TRPM3: variants seen among roughly 807,000 people sequenced by gnomAD.
TRPM3 encodes long transient receptor potential channel 3.
A neutral mutation model predicts 181.2 loss-of-function variants in TRPM3; 77 were observed. The observed-to-expected ratio is 0.42, with a 90% CI of 0.35 to 0.51. TRPM3 has a LOEUF of 0.51. Ranked by LOEUF, TRPM3 falls within the 20% of genes least tolerant of loss-of-function variation. The pLI is 0.01. For synonymous variants in TRPM3, 745 were observed against 796.4 expected (o/e 0.94, Z 1.09); for missense variants, 1,759 against 2,196.7 (o/e 0.80, Z 3.98).
At chr9:71,424,986 T>G (rs1313972466) in intron 1 of TRPM3, among the ~76,000 whole-genome samples, 3 of 152,170 alleles carry the variant, frequency 2.0e-5, no homozygotes, top group Non-Finnish European at 4.4e-5. Context: ...TGAAATGGGC[T>G]ATTTAATATT....
intron 1 of TRPM3, chr9:70,917,562 A>ATTTTTTTTTTTTTTTTTTTTTTTTTT: frequency 1.1e-5 from 7 of 612,850 alleles, no homozygotes; most frequent in Non-Finnish European, 1.8e-5. Flanking sequence ...AACAGTGTTA[A>ATTTTTTTTTTTTTTTTTTTTTTTTTT]GTTGTTATAT....
intron 1 of TRPM3, among the ~76,000 whole-genome samples, chr9:71,120,632 G>T (rs2073418753): frequency 6.6e-6 from 1 of 152,060 alleles, no homozygotes; most frequent in South Asian, 2.1e-4. Flanking sequence ...TAAAAACAAG[G>T]ACACAAAAAA....
intron 4 of TRPM3, among the ~76,000 whole-genome samples, chr9:70,843,460 A>G (rs182065015): frequency 1.1e-3 from 172 of 152,350 alleles, no homozygotes; most frequent in African/African-American, 4.0e-3. Flanking sequence ...ATAATTTGTT[A>G]GTATGATTAG....
chr9:70,936,526 T>G (rs1167732574), intron 1 of TRPM3, among the ~76,000 whole-genome samples: 1 of 152,222 alleles, frequency 6.6e-6, no homozygotes, highest in Non-Finnish European at 1.5e-5. Flanking sequence ...ATCGATTTAT[T>G]AGGAGACCAC....
chr9:71,327,601 G>A (rs2089789598), intron 1 of TRPM3, among the ~76,000 whole-genome samples: 1 of 152,318 alleles, frequency 6.6e-6, no homozygotes, highest in African/African-American at 2.4e-5. Flanking sequence ...AAAGTATACA[G>A]TGAATGAACT....
chr9:70,549,773 G>A, intron 24 of TRPM3, 99 bp from the exon 25 acceptor site: 2 of 1,267,930 alleles, frequency 1.6e-6, no homozygotes, highest in Non-Finnish European at 2.1e-6. Context: ...AATCTAGGTG[G>A]GAAAAGGGGC....
intron 8 of TRPM3, among the ~76,000 whole-genome samples, chr9:70,741,923 G>A (rs1472031265): frequency 6.6e-6 from 1 of 152,018 alleles, no homozygotes; most frequent in African/African-American, 2.4e-5. Flanking sequence ...CACCACTAAA[G>A]AACATATTCA....
At chr9:70,637,505 G>T (rs181779877) in intron 11 of TRPM3, among the ~76,000 whole-genome samples, 3 of 147,130 alleles carry the variant, frequency 2.0e-5, no homozygotes, top group African/African-American at 7.6e-5. Context: ...TTCTCTAATT[G>T]ATAGACCATT....
chr9:70,699,817 G>A (rs1454645669), intron 8 of TRPM3, among the ~76,000 whole-genome samples: 1 of 152,148 alleles, frequency 6.6e-6, no homozygotes, highest in East Asian at 1.9e-4. Context: ...CTGGAATAGG[G>A]GTGGAGTGTG....
chr9:70,605,992 A>G (rs2061018691), intron 19 of TRPM3, among the ~76,000 whole-genome samples: 1 of 152,002 alleles, frequency 6.6e-6, no homozygotes, highest in Middle Eastern at 3.2e-3. Context: ...TTGAACCTAC[A>G]TCTGTCCTCT....
chr9:71,320,905 C>T (rs906613576), intron 1 of TRPM3, among the ~76,000 whole-genome samples: 1 of 152,100 alleles, frequency 6.6e-6, no homozygotes, highest in African/African-American at 2.4e-5. Flanking sequence ...TGATACATCC[C>T]GCTACCCATG....
intron 12 of TRPM3, among the ~76,000 whole-genome samples, chr9:70,629,961 T>C (rs2065494996): frequency 6.6e-6 from 1 of 152,196 alleles, no homozygotes; most frequent in Non-Finnish European, 1.5e-5. Context: ...TTGGGATAGG[T>C]GTCCTGCGTG....
At chr9:71,200,760 T>C (rs28870107) in intron 1 of TRPM3, among the ~76,000 whole-genome samples, 65,072 of 151,782 alleles carry the variant, frequency 0.43, 14,343 homozygotes, top group East Asian at 0.52. Context: ...TTTGAGTCTA[T>C]GTGTGTCTCT....
chr9:70,745,584 A>G (rs1342553054), intron 8 of TRPM3, among the ~76,000 whole-genome samples: 1 of 152,214 alleles, frequency 6.6e-6, no homozygotes, highest in Admixed American at 6.5e-5. Flanking sequence ...CTCCCCAAAC[A>G]TTATGTTGGA....
chr9:70,865,657 A>C (rs529958372), intron 1 of TRPM3, among the ~76,000 whole-genome samples: 7 of 152,040 alleles, frequency 4.6e-5, no homozygotes, highest in Non-Finnish European at 1.0e-4. Context: ...GTTGGTCCTC[A>C]GTACTTCAGT....
chr9:71,268,045 T>C (rs1455219536), intron 1 of TRPM3, among the ~76,000 whole-genome samples: 3 of 152,210 alleles, frequency 2.0e-5, no homozygotes, highest in African/African-American at 2.4e-5. Context: ...CTGGGAAACC[T>C]TGAAATATTT....
At chr9:71,048,380 C>T (rs988685486) in intron 1 of TRPM3, among the ~76,000 whole-genome samples, 2 of 152,122 alleles carry the variant, frequency 1.3e-5, no homozygotes, top group Non-Finnish European at 2.9e-5. Flanking sequence ...TCTACACTGC[C>T]CAGCAGGTAG....
chr9:71,053,226 C>T (rs1363618933), intron 1 of TRPM3, among the ~76,000 whole-genome samples: 1 of 151,752 alleles, frequency 6.6e-6, no homozygotes, highest in Non-Finnish European at 1.5e-5. Flanking sequence ...GTGGTTGAAG[C>T]CAGAACCAGC....
At chr9:70,845,843 G>A (rs981566301) in intron 4 of TRPM3, among the ~76,000 whole-genome samples, 2 of 152,102 alleles carry the variant, frequency 1.3e-5, no homozygotes, top group African/African-American at 4.8e-5. Flanking sequence ...CAATATAGAT[G>A]GCAGGAAGCA....
Sources: allele counts gnomAD v4.1 joint callset (sites outside exome capture counted in the v4.1 genomes callset), GRCh38; gene constraint gnomAD v4.1.1; transcripts MANE v1.5; gene names NCBI Gene and HGNC (gene_info 2026-07-23, HGNC 2026-07-21).